RXFP1: variants seen among roughly 807,000 people sequenced by gnomAD.
RXFP1 encodes the protein relaxin receptor 1.
In RXFP1, 73 loss-of-function variants were observed where a neutral mutation model predicts 89.8. The ratio of observed to expected loss-of-function variants is 0.81; its 90% CI spans 0.67 to 0.99. RXFP1 has a LOEUF of 0.99. RXFP1 is among the 50% of genes least tolerant of loss of function. RXFP1 has a pLI of 0.00. For synonymous variants in RXFP1, 277 were observed against 305.5 expected (o/e 0.91, Z 0.97); for missense variants, 793 against 895.5 (o/e 0.89, Z 1.46).
At chr4:158,624,591 AAAT>A (rs1766328635) in intron 9 of RXFP1, among the ~76,000 whole-genome samples, 2 of 152,114 alleles carry the variant, frequency 1.3e-5, no homozygotes. Context: ...ATAGAAATAA[AAAT>A]AAAAAAACCT....
chr4:158,648,441 T>C (rs1771992209), intron 16 of RXFP1, 58 bp from the exon 17 acceptor site: 1 of 1,028,952 alleles, frequency 9.7e-7, no homozygotes, highest in Non-Finnish European at 1.4e-6. Context: ...TATTTATGTT[T>C]GTTCATTTTG....
intron 1 of RXFP1, among the ~76,000 whole-genome samples, chr4:158,539,490 AT>A (rs58405339): frequency 0.041 from 6,248 of 152,090 alleles, 409 homozygotes; most frequent in African/African-American, 0.14. Flanking sequence ...TAATAATAAA[AT>A]TTAAAAAAAA....
chr4:158,651,190 T>C (rs983502242), intron 17 of RXFP1, among the ~76,000 whole-genome samples: 3 of 152,158 alleles, frequency 2.0e-5, no homozygotes, highest in African/African-American at 7.2e-5. Flanking sequence ...ATCAGAGTAT[T>C]TTGGTATTTC....
chr4:158,584,798 A>AT (rs535366830), intron 2 of RXFP1, among the ~76,000 whole-genome samples: 7 of 152,152 alleles, frequency 4.6e-5, no homozygotes, highest in Non-Finnish European at 7.4e-5. Flanking sequence ...AGGAATCTGC[A>AT]TTTTTTTAAC....
intron 1 of RXFP1, among the ~76,000 whole-genome samples, chr4:158,561,364 T>C (rs561838896): frequency 6.6e-6 from 1 of 152,220 alleles, no homozygotes; most frequent in Non-Finnish European, 1.5e-5. Context: ...TGACCTAATG[T>C]AATTGGTTGC....
At chr4:158,531,251 G>T (rs1743978042) in intron 1 of RXFP1, among the ~76,000 whole-genome samples, 1 of 152,152 alleles carries the variant, frequency 6.6e-6, no homozygotes, top group South Asian at 2.1e-4. Context: ...GCCCAGGCTG[G>T]TCCTAAACGC....
chr4:158,579,412 C>T (rs753893439), intron 2 of RXFP1, among the ~76,000 whole-genome samples: 38 of 152,144 alleles, frequency 2.5e-4, no homozygotes, highest in Non-Finnish European at 4.7e-4. Context: ...GAACTACAGG[C>T]GCATGCCACC....
intron 1 of RXFP1, among the ~76,000 whole-genome samples, chr4:158,529,636 A>G (rs1300595523): frequency 1.3e-5 from 2 of 152,146 alleles, no homozygotes; most frequent in African/African-American, 4.8e-5. Context: ...ATTTAGTGCC[A>G]AATGGACTCC....
Position 158,617,100 on chromosome 4 carries a change from A to G in RXFP1, c.681-31A>G, listed in dbSNP as rs1764732012. The G allele has an allele frequency of 4.0e-6, 6 of 1,513,246 alleles. No individual in the cohort carries two copies. The African/African-American group carries it at 6.9e-5, about 17-fold the overall frequency. The allele number at this position is 1,513,246 out of a possible 1,614,324, so 93.7% of individuals were successfully genotyped here. A position where few individuals can be genotyped will look rare whatever the true frequency, so the allele number is the denominator to read the frequency against. Reference sequence around the variant, plus strand: ...CCCAAGATGAGAAGAGAACCAGAAAAATGTGACTTGTTTGTCTTTTCCTTT... The same window carrying G: ...CCCAAGATGAGAAGAGAACCAGAAAGATGTGACTTGTTTGTCTTTTCCTTT... On this transcript the variant is annotated intron_variant, in intron 8 of 17. Transcript: ENST00000307765.
chr4:158,631,128 A>G (rs1456772438), intron 11 of RXFP1, among the ~76,000 whole-genome samples: 1 of 152,208 alleles, frequency 6.6e-6, no homozygotes, highest in African/African-American at 2.4e-5. Flanking sequence ...ATCCCATTAC[A>G]TGATTCATGC....
intron 5 of RXFP1, among the ~76,000 whole-genome samples, chr4:158,606,572 C>T (rs1762567052): frequency 6.6e-6 from 1 of 151,968 alleles, no homozygotes; most frequent in South Asian, 2.1e-4. Context: ...ACAGCATGTC[C>T]GGTTCAGGTG....
At position 158,581,883 on chromosome 4, in the gene RXFP1, A is replaced by G. The variant is rs115284484; in HGVS notation, c.187+9048A>G. ...GGTACCAGCATCTGCTCAGCTTCTG[A>G]TGAGGGCTCAGGCTGCTTCCACTCA... On this transcript the variant is annotated intron_variant, in intron 2 of 17. Transcript: ENST00000307765. Among the ~76,000 whole-genome samples, 1,504 of 152,296 alleles carry G rather than the reference A, an allele frequency of 9.9e-3. 27 individuals are homozygous for G. Among genetic ancestry groups the G allele is most frequent in the African/African-American group, 0.035 (1,434 of 41,552 alleles).
At chr4:158,636,982 G>C (rs1769297092) in intron 12 of RXFP1, among the ~76,000 whole-genome samples, 1 of 152,126 alleles carries the variant, frequency 6.6e-6, no homozygotes, top group Non-Finnish European at 1.5e-5. Context: ...ACATATAAAT[G>C]AGATCATGTG....
chr4:158,617,081 A>G, intron 8 of RXFP1, 50 bp from the exon 9 acceptor site: 3 of 1,251,102 alleles, frequency 2.4e-6, no homozygotes, highest in Middle Eastern at 1.9e-4. Flanking sequence ...TTGACCCAAG[A>G]TGAGAAGAGA....
At chr4:158,551,142 A>G (rs2149889905) in intron 1 of RXFP1, among the ~76,000 whole-genome samples, 1 of 152,318 alleles carries the variant, frequency 6.6e-6, no homozygotes, top group East Asian at 1.9e-4. Context: ...TTTTAAAGGA[A>G]AGAAACTCTG....
chr4:158,599,239 T>C (rs1261449594), intron 3 of RXFP1, 87 bp from the exon 4 acceptor site: 1 of 1,585,958 alleles, frequency 6.3e-7, no homozygotes, highest in Admixed American at 1.8e-5. Flanking sequence ...AATGATTTTC[T>C]CATAGCTTTT....
At chr4:158,530,516 A>T (rs1300841347) in intron 1 of RXFP1, among the ~76,000 whole-genome samples, 1 of 152,160 alleles carries the variant, frequency 6.6e-6, no homozygotes, top group Non-Finnish European at 1.5e-5. Flanking sequence ...TTACTTTCTC[A>T]GTTGTGGCTG....
chr4:158,625,276 T>C (rs2150177898), intron 9 of RXFP1, among the ~76,000 whole-genome samples: 1 of 152,198 alleles, frequency 6.6e-6, no homozygotes, highest in African/African-American at 2.4e-5. Flanking sequence ...TGATCTAGAA[T>C]CCACATTTAA....
At position 158,609,219 on chromosome 4, in the gene RXFP1, T is replaced by G. The variant is rs11939331; in HGVS notation, c.536+1176T>G. Among the ~76,000 whole-genome samples the G allele has an allele frequency of 3.3e-3, 504 of 152,322 alleles. 3 individuals are homozygous for G. Among genetic ancestry groups the G allele is most frequent in the African/African-American group, 0.012 (484 of 41,572 alleles). ...ATTTTTGAGGGACTGTCATTTGATTTGATTTTGATTTTTTAAGGGACTGCC... is the reference window on the plus strand; with the variant it reads ...ATTTTTGAGGGACTGTCATTTGATTGGATTTTGATTTTTTAAGGGACTGCC... On this transcript the variant is annotated intron_variant, in intron 6 of 17. Transcript: ENST00000307765.
Sources: gnomAD v4.1 joint callset for allele counts (sites outside exome capture counted in the v4.1 genomes callset) on GRCh38, gnomAD v4.1.1 for gene constraint, MANE v1.5 for transcripts, NCBI Gene and HGNC (gene_info 2026-07-23, HGNC 2026-07-21) for gene names.